Variants in FKBP8 observed in about 807,000 individuals in gnomAD.
FKBP8 encodes peptidyl-prolyl cis-trans isomerase FKBP8.
A neutral mutation model predicts 41.7 loss-of-function variants in FKBP8; 5 were observed. The observed-to-expected ratio is 0.12, with a 90% CI of 0.06 to 0.25. FKBP8 has a LOEUF of 0.25. FKBP8 is among the 10% of genes least tolerant of loss of function. FKBP8 has a pLI of 1.00. For missense variants in FKBP8, 397 were observed against 563.0 expected, an observed-to-expected ratio of 0.71 and a Z score of 2.98; for synonymous variants, 279 against 254.5, an observed-to-expected ratio of 1.10 and a Z score of -0.92.
chr19:18,541,826 G>A lies in FKBP8; in HGVS notation c.145C>T (p.Leu49=), dbSNP rs1976709428. The change falls in exon 2 of 9, where the codon CTG becomes TTG. Residue 49 remains leucine, a synonymous_variant. Coordinates refer to ENST00000608443, the MANE Select transcript of FKBP8 (RefSeq NM_012181.5). ...TCCTCCAGCGGTGGCAGCTCACTCA[G>A]GTCATCCTCTTCCTCCTCTTCCTCC... The part of the protein sequence containing the change: ...EEEEEEEEDD[L]SELPPLEDMG... 6.2e-7 allele frequency: 1 copy of A among 1,613,436 alleles called. No individual in the cohort carries two copies. Among genetic ancestry groups the A allele is most frequent in the Non-Finnish European group, 8.5e-7 (1 of 1,179,746 alleles).
chr19:18,532,821 ACACGCAGCGG>A, intron 7 of FKBP8, 26 bp from the exon 8 acceptor site: 1 of 1,611,120 alleles, frequency 6.2e-7, no homozygotes, highest in Non-Finnish European at 8.5e-7. Flanking sequence ...GAAGCTGAGA[ACACGCAGCGG>A]CCAACCTGTC....
chr19:18,543,160 C>CA, intron 1 of FKBP8: 2 of 279,224 alleles, frequency 7.2e-6, no homozygotes, highest in Non-Finnish European at 1.4e-5. Context: ...AGCCGCGACC[C>CA]AGGCCCCCAA....
chr19:18,540,557 G>A (rs998352631), intron 2 of FKBP8, among the ~76,000 whole-genome samples: 5 of 151,786 alleles, frequency 3.3e-5, no homozygotes, highest in African/African-American at 1.2e-4. Flanking sequence ...AACATGGTGA[G>A]ACCCTGTCTC....
At position 18,538,280 on chromosome 19, in the gene FKBP8, C is replaced by T. The variant is rs368671139; in HGVS notation, c.708G>A (p.Ala236=). ...AGGAGTTGGCGGCCAGGACGAAGTC[C>T]GCCCGCTGGTAGTGGGCGTTGCCGC... is the stretch of plus-strand genomic sequence containing the variant. ...RECGNAHYQR[A]DFVLAANSYD... Residue 236 remains alanine (A), a synonymous_variant, in exon 5 of 9, where the codon GCG becomes GCA. Transcript: ENST00000608443. This position sits in a 1 kb window ranked among gnomAD's most constrained non-coding sequence, Gnocchi z 4.0. The T allele has an allele frequency of 2.0e-5, 33 of 1,613,350 alleles. No individual in the cohort carries two copies. Among genetic ancestry groups the T allele is most frequent in the South Asian group, 1.3e-4 (12 of 91,036 alleles).
intron 2 of FKBP8, among the ~76,000 whole-genome samples, chr19:18,540,757 A>G (rs1192476350): frequency 2.0e-5 from 3 of 152,106 alleles, no homozygotes; most frequent in Non-Finnish European, 4.4e-5. Context: ...CTGTAGTCCC[A>G]GCTACTCAGG....
chr19:18,534,677 G>A (rs1258069894), intron 6 of FKBP8, among the ~76,000 whole-genome samples: 1 of 151,938 alleles, frequency 6.6e-6, no homozygotes, highest in Non-Finnish European at 1.5e-5. Flanking sequence ...AAACTCCTAG[G>A]CTCACACAAT....
intron 3 of FKBP8, 30 bp from the exon 4 acceptor site, chr19:18,539,489 G>A: frequency 1.2e-6 from 2 of 1,612,250 alleles, no homozygotes; most frequent in Admixed American, 1.7e-5. Flanking sequence ...CCAGCTGTCA[G>A]GCAGACTCAG....
chr19:18,539,932 C>A (rs1363084831), intron 2 of FKBP8, among the ~76,000 whole-genome samples: 1 of 152,174 alleles, frequency 6.6e-6, no homozygotes, highest in Non-Finnish European at 1.5e-5. Flanking sequence ...GGACAGACTT[C>A]AGGGTGACAG....
rs564752007 is a variant in FKBP8, at chr19:18,539,696, G to A, written c.317C>T (p.Thr106Met). The change falls in exon 3 of 9, where the codon ACG becomes ATG. Residue 106 changes from threonine (T) to methionine (M), a missense_variant. Around this residue, in one of 2 missense-constraint regions of FKBP8, gnomAD observed 172 missense variants for 196.2 expected, o/e 0.88. Coordinates refer to ENST00000608443, the MANE Select transcript of FKBP8 (RefSeq NM_012181.5). Reference protein sequence around the residue: ...ILGNGLLRKKTLVPGPPGSSR... With the variant: ...ILGNGLLRKKMLVPGPPGSSR... ...CGAACCTGGCGGCCCTGGGACCAGC[G>A]TCTTCTTCCTCAACAGCCCGTTCCC... 18 of 1,609,194 alleles carry A rather than the reference G, an allele frequency of 1.1e-5. No homozygotes were observed. Among genetic ancestry groups the A allele is most frequent in the South Asian group, 1.1e-4 (10 of 91,084 alleles).
chr19:18,533,187 A>C (rs1976488236), intron 7 of FKBP8, 83 bp downstream of exon 7: 2 of 1,305,250 alleles, frequency 1.5e-6, no homozygotes, highest in Admixed American at 4.7e-5. Flanking sequence ...CACAACAGAG[A>C]GCCACAGCAA....
chr19:18,537,567 G>A lies in FKBP8; in HGVS notation c.945+34C>T, dbSNP rs755400899. 1 of 1,552,000 alleles carries A rather than the reference G, an allele frequency of 6.4e-7. No homozygotes were observed. Among genetic ancestry groups the A allele is most frequent in the Non-Finnish European group, 8.7e-7 (1 of 1,147,250 alleles). ...GGGACCACCCCGTATACCCCAGGCT[G>A]AGTGACCCGGCCTGGCACCCCGGTG... On this transcript the variant is annotated intron_variant, in intron 6 of 8. Transcript: ENST00000608443. The surrounding 1 kb of genome is among the most constrained non-coding windows in gnomAD (Gnocchi z 4.4).
intron 1 of FKBP8, 40 bp from the exon 2 acceptor site, chr19:18,542,035 C>G (rs1238694110): frequency 2.6e-6 from 4 of 1,566,446 alleles, no homozygotes; most frequent in Non-Finnish European, 3.5e-6. Flanking sequence ...GAATCCTACA[C>G]AGCCCCTCAA....
At chr19:18,535,495 G>A (rs926954866) in intron 6 of FKBP8, among the ~76,000 whole-genome samples, 1 of 152,006 alleles carries the variant, frequency 6.6e-6, no homozygotes, top group Non-Finnish European at 1.5e-5. Flanking sequence ...GATGGAGCTG[G>A]GCGAAGTGGC....
intron 6 of FKBP8, among the ~76,000 whole-genome samples, chr19:18,534,811 A>G (rs1976533637): frequency 6.6e-6 from 1 of 151,474 alleles, no homozygotes; most frequent in African/African-American, 2.4e-5. Context: ...TTATTTTGAG[A>G]TGGAGTCTCA....
At chr19:18,542,870 C>A in intron 1 of FKBP8, 3 of 1,279,798 alleles carry the variant, frequency 2.3e-6, no homozygotes, top group Non-Finnish European at 3.1e-6. Context: ...CCCGCCGCAT[C>A]CCCTCCCTAA....
At position 18,532,086 on chromosome 19, in the gene FKBP8, G is replaced by T; in HGVS notation, c.*83C>A. The stretch of plus-strand genomic sequence containing the variant: ...GGAGGAGGGGGCCAGACCAGGGAGG[G>T]CAGTGGACAGGGAGCCTGGGGGAGT... On this transcript the variant is annotated 3_prime_UTR_variant, in exon 9 of 9. Coordinates refer to ENST00000608443, the MANE Select transcript of FKBP8 (RefSeq NM_012181.5). 8.2e-7 allele frequency: 1 copy of T among 1,215,814 alleles called. No homozygotes were observed. The highest frequency in any genetic ancestry group is 1.2e-6 in the Non-Finnish European group (1 of 843,696). The allele number at this position is 1,215,814 out of a possible 1,614,324, so 75.3% of individuals were successfully genotyped here.
At chr19:18,536,725 G>C (rs532887805) in intron 6 of FKBP8, among the ~76,000 whole-genome samples, 1 of 152,200 alleles carries the variant, frequency 6.6e-6, no homozygotes, top group Non-Finnish European at 1.5e-5. Flanking sequence ...CTGGAGATCC[G>C]GCAGTGAGCA....
In FKBP8 at chr19:18,539,606, C is replaced by T. The variant is rs757785461; in HGVS notation, c.407G>A (p.Arg136Gln). ...HLQTSLENGT[R>Q]VQEEPELVFT... Reference sequence around the variant, plus strand: ...CACCAGCTCCGGCTCCTCCTGCACCCGTGTGCCATTCTCCAGCGACGTCTG... The same window carrying T: ...CACCAGCTCCGGCTCCTCCTGCACCTGTGTGCCATTCTCCAGCGACGTCTG... Residue 136 changes from arginine (R) to glutamine (Q), a missense_variant, in exon 3 of 9, where the codon CGG (arginine) becomes CAG (glutamine). This residue lies in a region of FKBP8 where 172 missense variants were observed against 196.2 expected (regional missense o/e 0.88). Coordinates refer to ENST00000608443, the MANE Select transcript of FKBP8 (RefSeq NM_012181.5). 5 of 1,613,212 alleles carry T rather than the reference C, an allele frequency of 3.1e-6. No individual in the cohort carries two copies. The highest frequency in any genetic ancestry group is 1.1e-5 in the South Asian group (1 of 91,096).
At chr19:18,532,484 C>G (rs932022569) in intron 8 of FKBP8, 180 bp downstream of exon 8, 19 of 1,039,862 alleles carry the variant, frequency 1.8e-5, no homozygotes, top group Non-Finnish European at 2.6e-5. Flanking sequence ...CCACCCCCAG[C>G]CCTCCAGCTT....
Sources: allele counts gnomAD v4.1 joint callset (sites outside exome capture counted in the v4.1 genomes callset), GRCh38; gene constraint gnomAD v4.1.1; regional missense constraint gnomAD v4.1.1; non-coding constraint Gnocchi (gnomAD v3.1); transcripts MANE v1.5; gene names NCBI Gene and HGNC (gene_info 2026-07-23, HGNC 2026-07-21).